SLC12A1: variants seen among roughly 807,000 people sequenced by gnomAD.
SLC12A1 encodes the protein solute carrier family 12 member 1, also known as Na-K-2Cl cotransporter.
A neutral mutation model predicts 130.4 loss-of-function variants in SLC12A1; 89 were observed. The observed-to-expected ratio is 0.68, with a 90% CI of 0.58 to 0.81. The LOEUF is 0.81. Among genes scored for constraint, SLC12A1 ranks in the 40% least tolerant of loss-of-function variants. The pLI, the probability that SLC12A1 is intolerant of heterozygous loss-of-function variation, is 0.00. For synonymous variants in SLC12A1, 499 were observed against 460.0 expected, an observed-to-expected ratio of 1.08 and a Z score of -1.09; for missense variants, 1,310 against 1,336.4, an observed-to-expected ratio of 0.98 and a Z score of 0.31.
chr15:48,291,697 T>C (rs775929069), intron 23 of SLC12A1, 81 bp from the exon 24 acceptor site: 1 of 835,234 alleles, frequency 1.2e-6, no homozygotes. Context: ...TTGCTTTTGA[T>C]ATCTTAACTC....
At chr15:48,261,568 G>T (rs2041775337) in intron 17 of SLC12A1, among the ~76,000 whole-genome samples, 2 of 152,170 alleles carry the variant, frequency 1.3e-5, no homozygotes, top group South Asian at 4.1e-4. Context: ...TGAGCTCCTG[G>T]GGCTGCAGAT....
chr15:48,213,597 G>A (rs1020619286), intron 2 of SLC12A1, among the ~76,000 whole-genome samples: 14 of 149,816 alleles, frequency 9.3e-5, no homozygotes, highest in Admixed American at 7.4e-4. Context: ...TCTGCCTCCC[G>A]GGTTCACACC....
chr15:48,287,955 C>T (rs904921572), intron 21 of SLC12A1, 88 bp from the exon 22 acceptor site: 22 of 1,389,404 alleles, frequency 1.6e-5, no homozygotes, highest in Admixed American at 2.6e-5. Flanking sequence ...GTGACCTTTT[C>T]TCTATTTTCA....
In SLC12A1 at chr15:48,244,787, G is replaced by A; in HGVS notation, c.1335G>A (p.Met445Ile). 1 of 1,613,992 alleles carries A rather than the reference G, an allele frequency of 6.2e-7. No homozygotes were observed. Among genetic ancestry groups the A allele is most frequent in the Non-Finnish European group, 8.5e-7 (1 of 1,179,878 alleles). ...TGGTCCGAGATGCCACCGGGAACAT[G>A]AATGACACCATCATTTCTGGGATGA... ...ACVVRDATGN[M>I]NDTIISGMNC... is the part of the protein sequence containing the mutation. Residue 445 changes from methionine (M) to isoleucine (I), a missense_variant, in exon 11 of 27, where the codon ATG becomes ATA. Met to Ile is a conservative substitution (Grantham distance 10). Coordinates refer to ENST00000380993, the MANE Select transcript of SLC12A1 (RefSeq NM_000338.3).
chr15:48,208,948 T>G (rs1276949824), intron 2 of SLC12A1, among the ~76,000 whole-genome samples: 2 of 152,224 alleles, frequency 1.3e-5, no homozygotes, highest in Admixed American at 1.3e-4. Flanking sequence ...CTGAATGTGC[T>G]TAAGCATATA....
intron 5 of SLC12A1, 23 bp downstream of exon 5, chr15:48,226,594 T>C (rs1215376926): frequency 1.4e-6 from 2 of 1,432,302 alleles, no homozygotes; most frequent in Admixed American, 3.4e-5. Flanking sequence ...AGATATCTAA[T>C]GCCCTCATCA....
At position 48,291,850 on chromosome 15, in the gene SLC12A1, G is replaced by A; in HGVS notation, c.2946G>A (p.Arg982=). The A allele has an allele frequency of 6.4e-7, 1 of 1,562,156 alleles. No homozygotes were observed. The highest frequency in any genetic ancestry group is 2.3e-5 in the East Asian group (1 of 42,900). ...DIHIIGDINI[R]PNKESWKVFE... is the part of the protein sequence containing the mutation. ...ATATCATCGGTGACATCAACATTAGGCCAAACAAAGAGAGGTATGAAATAT... is the reference window on the plus strand; with the variant it reads ...ATATCATCGGTGACATCAACATTAGACCAAACAAAGAGAGGTATGAAATAT... The change falls in exon 24 of 27, where the codon AGG becomes AGA. Residue 982 remains arginine, a synonymous_variant. Transcript: ENST00000380993.
chr15:48,233,325 C>T (rs1234027492), intron 8 of SLC12A1, among the ~76,000 whole-genome samples: 1 of 152,174 alleles, frequency 6.6e-6, no homozygotes, highest in East Asian at 1.9e-4. Context: ...TGTGAAAGTG[C>T]TTTGTAAACC....
chr15:48,294,696 G>A (rs956799772), intron 24 of SLC12A1, among the ~76,000 whole-genome samples: 57 of 152,224 alleles, frequency 3.7e-4, no homozygotes, highest in African/African-American at 1.4e-3. Flanking sequence ...CTAATTGGTA[G>A]AAATACATCA....
At chr15:48,256,966 C>G (rs1302001884) in intron 16 of SLC12A1, among the ~76,000 whole-genome samples, 1 of 152,122 alleles carries the variant, frequency 6.6e-6, no homozygotes, top group Non-Finnish European at 1.5e-5. Flanking sequence ...TCCCTTCTGC[C>G]TATGAGTCTG....
chr15:48,250,674 C>CCACACACACACACACACACACA (rs750040638), intron 14 of SLC12A1, among the ~76,000 whole-genome samples: 13 of 56,164 alleles, frequency 2.3e-4, no homozygotes, highest in African/African-American at 6.5e-4. Context: ...AAAATGTCTG[C>CCACACACACACACACACACACA]CTCACACACA....
At chr15:48,300,629 G>A (rs988687519) in intron 25 of SLC12A1, among the ~76,000 whole-genome samples, 1 of 152,238 alleles carries the variant, frequency 6.6e-6, no homozygotes, top group South Asian at 2.1e-4. Flanking sequence ...TATAAAGTCT[G>A]TGTGTAACAA....
intron 18 of SLC12A1, among the ~76,000 whole-genome samples, chr15:48,268,223 T>G (rs2041854567): frequency 6.6e-6 from 1 of 152,216 alleles, no homozygotes; most frequent in Non-Finnish European, 1.5e-5. Flanking sequence ...AGCTCAACCT[T>G]AAATCCCATA....
At chr15:48,233,152 G>C (rs1053074425) in intron 8 of SLC12A1, among the ~76,000 whole-genome samples, 3 of 152,162 alleles carry the variant, frequency 2.0e-5, no homozygotes, top group Non-Finnish European at 4.4e-5. Flanking sequence ...CTCCAGGAAA[G>C]AGCCTGGAGT....
At chr15:48,223,007 A>C (rs1348906142) in intron 4 of SLC12A1, 1 of 152,248 alleles carries the variant, frequency 6.6e-6, no homozygotes, top group African/African-American at 2.4e-5. Flanking sequence ...TTGCTGGGGC[A>C]AGATGGTTTC....
chr15:48,265,017 T>C (rs968643765), intron 17 of SLC12A1, among the ~76,000 whole-genome samples: 1 of 152,198 alleles, frequency 6.6e-6, no homozygotes, highest in African/African-American at 2.4e-5. Flanking sequence ...CTCTATAATA[T>C]TATAATGGGG....
chr15:48,300,947 C>T (rs1256773248), intron 25 of SLC12A1, among the ~76,000 whole-genome samples: 3 of 152,186 alleles, frequency 2.0e-5, no homozygotes. Flanking sequence ...TTCCACTGTG[C>T]ATAGGCATGG....
At chr15:48,273,447 C>G (rs2041919191) in intron 19 of SLC12A1, among the ~76,000 whole-genome samples, 1 of 152,164 alleles carries the variant, frequency 6.6e-6, no homozygotes, top group Admixed American at 6.5e-5. Context: ...TCACATCTGC[C>G]AAGTCCCTTT....
intron 17 of SLC12A1, among the ~76,000 whole-genome samples, chr15:48,267,002 G>A (rs2041838413): frequency 6.6e-6 from 1 of 152,114 alleles, no homozygotes; most frequent in South Asian, 2.1e-4. Flanking sequence ...GTATTTGAAT[G>A]GAAGTGTGGC....
Sources: allele counts gnomAD v4.1 joint callset (sites outside exome capture counted in the v4.1 genomes callset), GRCh38; gene constraint gnomAD v4.1.1; transcripts MANE v1.5; gene names NCBI Gene and HGNC (gene_info 2026-07-23, HGNC 2026-07-21).